The following ADAMTSL3 variants were observed in gnomAD, a reference collection of about 807,000 sequenced individuals.
ADAMTSL3 encodes ADAMTS like 3.
ADAMTSL3 carries 128 observed loss-of-function variants against 201.7 expected under a neutral mutation model. The ratio of observed to expected loss-of-function variants is 0.63; its 90% CI spans 0.55 to 0.73. The LOEUF (loss-of-function observed/expected upper bound fraction) is 0.73. Ranked by LOEUF, ADAMTSL3 falls within the 30% of genes least tolerant of loss-of-function variation. ADAMTSL3 has a pLI of 0.00. For missense variants in ADAMTSL3, 1,990 were observed against 2,119.6 expected (o/e 0.94, Z 1.20); for synonymous variants, 738 against 748.4 (o/e 0.99, Z 0.23).
At position 83,982,433 on chromosome 15, in the gene ADAMTSL3, C is replaced by A. The variant is rs8031704; in HGVS notation, c.2805C>A (p.Pro935=). 0.34 allele frequency: 543,713 copies of A among 1,613,764 alleles called. 94,094 individuals carry two copies. The highest frequency in any genetic ancestry group is 0.55 in the African/African-American group (41,085 of 74,894). ...LPNTSVIIKC[P]VRRFQKSLIQ... ...ACACATCCGTGATTATTAAGTGCCCCGTGCGACGATTCCAGAAATCTCTGA... is the reference window on the plus strand; with the variant it reads ...ACACATCCGTGATTATTAAGTGCCCAGTGCGACGATTCCAGAAATCTCTGA... Residue 935 remains proline (P), a synonymous_variant, in exon 21 of 30, where the codon CCC becomes CCA. Transcript: ENST00000286744.
rs1213292253 is a variant in ADAMTSL3, at chr15:83,655,748, G to A, written c.-14G>A. The A allele has an allele frequency of 5.6e-6, 9 of 1,613,892 alleles. No individual in the cohort carries two copies. The highest frequency in any genetic ancestry group is 5.9e-6 in the Non-Finnish European group (7 of 1,179,856). On this transcript the variant is annotated 5_prime_UTR_variant, in exon 2 of 30. Coordinates refer to ENST00000286744, the MANE Select transcript of ADAMTSL3 (RefSeq NM_207517.3). Reference sequence around the variant, plus strand: ...TTGTAGGCTACAACTGAGACCCGGAGGAGACTAGACCCCATGGCTTCCTGG... The same window carrying A: ...TTGTAGGCTACAACTGAGACCCGGAAGAGACTAGACCCCATGGCTTCCTGG...
chr15:83,742,377 A>G (rs945780179), intron 3 of ADAMTSL3, among the ~76,000 whole-genome samples: 5 of 152,154 alleles, frequency 3.3e-5, no homozygotes, highest in South Asian at 4.1e-4. Context: ...TTAAAGAATG[A>G]ATAGAAATAA....
chr15:83,914,861 G>GGTTTTT (rs143273671), intron 16 of ADAMTSL3, among the ~76,000 whole-genome samples: 1 of 23,616 alleles, frequency 4.2e-5, no homozygotes, highest in East Asian at 3.0e-3. Flanking sequence ...TTGTTTGTTT[G>GGTTTTT]TTTGTTTGTT....
At chr15:83,805,796 C>G (rs1688171671) in intron 5 of ADAMTSL3, among the ~76,000 whole-genome samples, 1 of 152,162 alleles carries the variant, frequency 6.6e-6, no homozygotes. Flanking sequence ...CTGTGGCACA[C>G]AGTAACTCAA....
intron 4 of ADAMTSL3, among the ~76,000 whole-genome samples, chr15:83,783,859 G>A (rs1255996519): frequency 6.6e-6 from 1 of 151,778 alleles, no homozygotes; most frequent in African/African-American, 2.4e-5. Flanking sequence ...GTGTGTGTGT[G>A]TGTGTGTCTC....
chr15:84,031,070 C>A (rs2068400464), intron 27 of ADAMTSL3, among the ~76,000 whole-genome samples: 2 of 152,168 alleles, frequency 1.3e-5, no homozygotes, highest in Admixed American at 1.3e-4. Flanking sequence ...GTAAATTACC[C>A]AGTCTCGGGT....
At chr15:83,979,906 G>A (rs1024769211) in intron 20 of ADAMTSL3, among the ~76,000 whole-genome samples, 2 of 152,196 alleles carry the variant, frequency 1.3e-5, no homozygotes, top group Non-Finnish European at 2.9e-5. Context: ...CATGGTACAT[G>A]CTGGGGTAAT....
chr15:83,832,876 G>C (rs1286085052), intron 6 of ADAMTSL3, among the ~76,000 whole-genome samples: 1 of 152,172 alleles, frequency 6.6e-6, no homozygotes, highest in African/African-American at 2.4e-5. Flanking sequence ...TTCTGCTTTG[G>C]AGGTCTGATT....
At chr15:83,780,760 T>C (rs2063155677) in intron 4 of ADAMTSL3, among the ~76,000 whole-genome samples, 1 of 152,168 alleles carries the variant, frequency 6.6e-6, no homozygotes, top group Admixed American at 6.5e-5. Context: ...TTCAGCAAAG[T>C]CTCAGGATAC....
chr15:84,003,648 GT>G (rs2067840239), intron 23 of ADAMTSL3, among the ~76,000 whole-genome samples: 2 of 152,120 alleles, frequency 1.3e-5, no homozygotes, highest in African/African-American at 2.4e-5. Flanking sequence ...AAAGTGAAGG[GT>G]TTTGAATGCC....
chr15:83,975,437 A>G (rs1300059347), intron 20 of ADAMTSL3, among the ~76,000 whole-genome samples: 1 of 152,114 alleles, frequency 6.6e-6, no homozygotes, highest in African/African-American at 2.4e-5. Context: ...CCTGCTTGTC[A>G]TAGCTACAGT....
At chr15:84,021,330 G>A (rs567395326) in intron 25 of ADAMTSL3, 80 bp from the exon 26 acceptor site, 96 of 1,490,240 alleles carry the variant, frequency 6.4e-5, no homozygotes, top group South Asian at 3.7e-4. Context: ...ACATCTCATG[G>A]TGGTTTTTGG....
chr15:83,958,986 G>T (rs920947712), intron 19 of ADAMTSL3, among the ~76,000 whole-genome samples: 1 of 152,016 alleles, frequency 6.6e-6, no homozygotes, highest in African/African-American at 2.4e-5. Flanking sequence ...ATATATAAAA[G>T]ACAAGGAAAT....
chr15:83,706,410 A>G (rs565753813), intron 3 of ADAMTSL3, among the ~76,000 whole-genome samples: 9 of 152,310 alleles, frequency 5.9e-5, no homozygotes, highest in African/African-American at 2.2e-4. Flanking sequence ...AGAAAGCCTC[A>G]GTGACTAGCA....
intron 23 of ADAMTSL3, among the ~76,000 whole-genome samples, chr15:83,999,702 G>C (rs543303226): frequency 6.6e-6 from 1 of 152,260 alleles, no homozygotes; most frequent in South Asian, 2.1e-4. Flanking sequence ...AGGCAAGGAG[G>C]CCCTTTGATA....
intron 4 of ADAMTSL3, among the ~76,000 whole-genome samples, chr15:83,795,914 C>A (rs1342431538): frequency 6.6e-6 from 1 of 151,942 alleles, no homozygotes; most frequent in Non-Finnish European, 1.5e-5. Flanking sequence ...ATGTAACACA[C>A]AAGGAAATAC....
intron 2 of ADAMTSL3, among the ~76,000 whole-genome samples, chr15:83,697,576 A>C (rs563537796): frequency 6.6e-6 from 1 of 152,180 alleles, no homozygotes; most frequent in Non-Finnish European, 1.5e-5. Flanking sequence ...CACTTTACTT[A>C]CATCTTCTAG....
rs74682156 is a variant in ADAMTSL3 at position 83,668,624 on chromosome 15, C to G, written c.69+12794C>G. Among the ~76,000 whole-genome samples the G allele has an allele frequency of 7.0e-3, 1,071 of 152,008 alleles. 8 individuals are homozygous for G. The highest frequency in any genetic ancestry group is 0.012 in the Non-Finnish European group (841 of 67,958). ...TTTTTCTGTTGTCTTGAAATGTTTC[C>G]TTTAAACTCATATTTCTACCTGAGC... On this transcript the variant is annotated intron_variant, in intron 2 of 29. Coordinates refer to ENST00000286744, the MANE Select transcript of ADAMTSL3 (RefSeq NM_207517.3).
At chr15:83,742,232 G>A (rs572877965) in intron 3 of ADAMTSL3, among the ~76,000 whole-genome samples, 1 of 152,176 alleles carries the variant, frequency 6.6e-6, no homozygotes, top group Admixed American at 6.5e-5. Flanking sequence ...TCCTAAGCCA[G>A]CAGTATTGAA....
Sources: gnomAD v4.1 joint callset for allele counts (sites outside exome capture counted in the v4.1 genomes callset) on GRCh38, gnomAD v4.1.1 for gene constraint, MANE v1.5 for transcripts, NCBI Gene and HGNC (gene_info 2026-07-23, HGNC 2026-07-21) for gene names.